SPIDR: variants seen among roughly 807,000 people sequenced by gnomAD.
SPIDR encodes scaffold protein involved in DNA repair, also known as DNA repair-scaffolding protein.
In SPIDR, 93 loss-of-function variants were observed where a neutral mutation model predicts 104.6. The ratio of observed to expected loss-of-function variants is 0.89; its 90% CI spans 0.75 to 1.06. The LOEUF (loss-of-function observed/expected upper bound fraction) is 1.06. SPIDR is among the 50% of genes least tolerant of loss of function. The pLI, the probability that SPIDR is intolerant of heterozygous loss-of-function variation, is 0.00. For synonymous variants in SPIDR, 431 were observed against 416.9 expected (o/e 1.03, Z -0.41); for missense variants, 1,154 against 1,111.2 (o/e 1.04, Z -0.55).
At chr8:47,486,694 T>C (rs1372950362) in intron 8 of SPIDR, among the ~76,000 whole-genome samples, 5 of 152,306 alleles carry the variant, frequency 3.3e-5, no homozygotes, top group East Asian at 3.9e-4. Context: ...GGGGCCGATA[T>C]TCAACATTCT....
At chr8:47,438,322 T>A (rs544117513) in intron 7 of SPIDR, among the ~76,000 whole-genome samples, 132 of 152,324 alleles carry the variant, frequency 8.7e-4, no homozygotes, top group Middle Eastern at 3.4e-3. Context: ...GTACAAGTTT[T>A]AAAAATTCTT....
At chr8:47,513,061 G>T (rs975031114) in intron 8 of SPIDR, among the ~76,000 whole-genome samples, 2 of 152,146 alleles carry the variant, frequency 1.3e-5, no homozygotes, top group Non-Finnish European at 2.9e-5. Flanking sequence ...ATTCTGAAAG[G>T]TCACTTCTGA....
Position 47,733,854 on chromosome 8 carries a change from A to ACCCACTTC in SPIDR, c.2605-1449_2605-1442dup, listed in dbSNP as rs1363641361. Among the ~76,000 whole-genome samples, 5 of 152,032 alleles carry ACCCACTTC rather than the reference A, an allele frequency of 3.3e-5. No homozygotes were observed. In the South Asian group the frequency reaches 1.0e-3, roughly 32 times the overall value. ...CTCTTTGCCTGTCTTGACCAGTGAC[A>ACCCACTTC]CCCACTTCCCCCATCACTACATTAA... On this transcript the variant is annotated intron_variant, in intron 19 of 19. Transcript: ENST00000297423.
At chr8:47,503,966 ACT>A (rs1290219643) in intron 8 of SPIDR, among the ~76,000 whole-genome samples, 3 of 151,928 alleles carry the variant, frequency 2.0e-5, no homozygotes, top group Admixed American at 2.0e-4. Flanking sequence ...ATTGGCCCCC[ACT>A]CTCTTCTGGC....
At chr8:47,351,239 G>A (rs1554622196) in intron 5 of SPIDR, among the ~76,000 whole-genome samples, 1 of 152,150 alleles carries the variant, frequency 6.6e-6, no homozygotes, top group African/African-American at 2.4e-5. Flanking sequence ...ATGTATTCAT[G>A]GGAAAATCTA....
intron 7 of SPIDR, chr8:47,419,288 A>G (rs1375588689): frequency 6.6e-6 from 1 of 152,170 alleles, no homozygotes; most frequent in East Asian, 1.9e-4. Flanking sequence ...TATTGCCTCA[A>G]TTTCAGAGCC....
rs114714115 is a variant in SPIDR, at chr8:47,505,797, G to C, written c.1097+65255G>C. On this transcript the variant is annotated intron_variant, in intron 8 of 19. Transcript: ENST00000297423. ...TGGTCATCTAGTGACAACACTAGCAGTGCCACCCGGGCTTCCCTACTAAGG... is the reference window on the plus strand; with the variant it reads ...TGGTCATCTAGTGACAACACTAGCACTGCCACCCGGGCTTCCCTACTAAGG... Among the ~76,000 whole-genome samples, 766 of 152,292 alleles carry C rather than the reference G, an allele frequency of 5.0e-3. 5 individuals carry two copies. The highest frequency in any genetic ancestry group is 0.017 in the African/African-American group (700 of 41,554).
intron 5 of SPIDR, among the ~76,000 whole-genome samples, chr8:47,343,984 T>C (rs1328874973): frequency 6.6e-6 from 1 of 151,916 alleles, no homozygotes; most frequent in Non-Finnish European, 1.5e-5. Flanking sequence ...TTATTATTAT[T>C]ATACGTCAAG....
At position 47,339,299 on chromosome 8, in the gene SPIDR, C is replaced by T. The variant is rs549729989; in HGVS notation, c.525+45269C>T. 2.3e-3 allele frequency among the ~76,000 whole-genome samples: 357 copies of T among 152,242 alleles called. 1 individual carries two copies. Among genetic ancestry groups the T allele is most frequent in the African/African-American group, 8.3e-3 (346 of 41,546 alleles). ...TAATTTACTGTGTTTCTACTGAGAA[C>T]GAATTTACTATGATCCTACTATTTT... On this transcript the variant is annotated intron_variant, in intron 5 of 19. Transcript: ENST00000297423.
intron 11 of SPIDR, among the ~76,000 whole-genome samples, chr8:47,686,240 G>A (rs2077801404): frequency 6.6e-6 from 1 of 152,134 alleles, no homozygotes; most frequent in Non-Finnish European, 1.5e-5. Context: ...CGGGTTAATA[G>A]CTTGCGGCAG....
rs1290659022 is a variant in SPIDR at position 47,685,514 on chromosome 8, TTTA to T, written c.1685+11576_1685+11578del. The stretch of plus-strand genomic sequence containing the variant: ...ATTTATTTATTTATTTATTTATTTA[TTTA>T]TTTTTTTGAGACAGTCTCTCTCTGT... On this transcript the variant is annotated intron_variant, in intron 11 of 19. Coordinates refer to ENST00000297423, the MANE Select transcript of SPIDR (RefSeq NM_001080394.4). 1.5e-4 allele frequency among the ~76,000 whole-genome samples: 17 copies of T among 111,274 alleles called. 1 individual carries two copies. In the South Asian group the frequency reaches 2.4e-3, roughly 16 times the overall value. 73.0% of individuals were successfully genotyped at this position (111,274 alleles called of 152,430 possible). A position where few individuals can be genotyped will look rare whatever the true frequency, so the allele number is the denominator to read the frequency against.
intron 5 of SPIDR, among the ~76,000 whole-genome samples, chr8:47,329,809 A>G (rs983405053): frequency 6.6e-5 from 10 of 152,206 alleles, no homozygotes; most frequent in Admixed American, 2.6e-4. Context: ...ATTGGTTCCT[A>G]TGGAATCCTG....
intron 5 of SPIDR, among the ~76,000 whole-genome samples, chr8:47,361,389 G>A (rs2055888987): frequency 6.6e-6 from 1 of 152,220 alleles, no homozygotes; most frequent in Non-Finnish European, 1.5e-5. Context: ...TGGCTCCCAG[G>A]AAGGGCCTGG....
intron 5 of SPIDR, among the ~76,000 whole-genome samples, chr8:47,372,490 G>T (rs898980534): frequency 2.6e-5 from 4 of 152,098 alleles, no homozygotes; most frequent in African/African-American, 7.2e-5. Context: ...GCCAGGTGTG[G>T]TGGTGCATGC....
chr8:47,538,497 T>C (rs1487919864), intron 8 of SPIDR, among the ~76,000 whole-genome samples: 2 of 152,070 alleles, frequency 1.3e-5, no homozygotes, highest in Non-Finnish European at 2.9e-5. Context: ...TGAGACGAGA[T>C]CATGCCACTG....
chr8:47,553,929 G>C (rs189510952), intron 8 of SPIDR, among the ~76,000 whole-genome samples: 1 of 152,282 alleles, frequency 6.6e-6, no homozygotes, highest in East Asian at 1.9e-4. Context: ...ATGGGGTTTT[G>C]GTGTGGATGT....
At chr8:47,274,422 G>A (rs35617823) in intron 1 of SPIDR, among the ~76,000 whole-genome samples, 7,021 of 151,938 alleles carry the variant, frequency 0.046, 579 homozygotes, top group African/African-American at 0.16. Context: ...TTTCCTTCTC[G>A]TTGAGATACA....
intron 7 of SPIDR, among the ~76,000 whole-genome samples, chr8:47,433,517 C>A (rs1315791835): frequency 6.6e-6 from 1 of 152,152 alleles, no homozygotes; most frequent in Non-Finnish European, 1.5e-5. Context: ...ATGGGCTGTT[C>A]TCTAAAAAGC....
At chr8:47,687,992 G>C (rs1248896262) in intron 11 of SPIDR, among the ~76,000 whole-genome samples, 1 of 148,928 alleles carries the variant, frequency 6.7e-6, no homozygotes. Context: ...GTGACAGATT[G>C]AGACCTGGCT....
Sources: allele counts gnomAD v4.1 joint callset (sites outside exome capture counted in the v4.1 genomes callset), GRCh38; gene constraint gnomAD v4.1.1; transcripts MANE v1.5; gene names NCBI Gene and HGNC (gene_info 2026-07-23, HGNC 2026-07-21).